Variants in IL10 observed in about 807,000 individuals in gnomAD.
IL10 encodes the protein interleukin-10.
IL10 carries 7 observed loss-of-function variants against 21.0 expected under a neutral mutation model. The ratio of observed to expected loss-of-function variants is 0.33; its 90% confidence interval spans 0.19 to 0.63. The LOEUF (loss-of-function observed/expected upper bound fraction) is 0.63. IL10 is among the 20% of genes least tolerant of loss of function. The probability of loss-of-function intolerance (pLI) is 0.77; values close to 1 mark genes in which losing one functional copy is unlikely to be tolerated. For synonymous variants in IL10, 83 were observed against 79.7 expected (o/e 1.04, Z -0.22); for missense variants, 161 against 213.0 (o/e 0.76, Z 1.52).
chr1:206,770,881 A>AG (rs767321028), intron 3 of IL10, 26 bp downstream of exon 3: 1 of 1,612,706 alleles, frequency 6.2e-7, no homozygotes, highest in South Asian at 1.1e-5. Flanking sequence ...GGCAGCTGCA[A>AG]GGGAAAAAAC....
At chr1:206,771,701 C>T (rs3024491) in intron 1 of IL10, among the ~76,000 whole-genome samples, 5 of 152,024 alleles carry the variant, frequency 3.3e-5, no homozygotes, top group Non-Finnish European at 5.9e-5. Context: ...GAGCTACATT[C>T]GGCTTTAAGG....
At chr1:206,771,505 T>G in intron 1 of IL10, 90 bp from the exon 2 acceptor site, 1 of 1,144,388 alleles carries the variant, frequency 8.7e-7, no homozygotes, top group Non-Finnish European at 1.3e-6. Flanking sequence ...TAGAGATTTT[T>G]TTTTTTAAAT....
intron 2 of IL10, 88 bp downstream of exon 2, chr1:206,771,268 C>G (rs1171984339): frequency 1.5e-6 from 2 of 1,325,124 alleles, no homozygotes; most frequent in African/African-American, 1.4e-5. Flanking sequence ...GCGAAGGAAA[C>G]AAACCCAATT....
chr1:206,770,808 G>A, intron 3 of IL10, 99 bp downstream of exon 3: 2 of 1,153,094 alleles, frequency 1.7e-6, no homozygotes. Context: ...CTGCCAGTCT[G>A]TGTCTTTGCT....
At chr1:206,771,495 T>G (rs1674839361) in intron 1 of IL10, 80 bp from the exon 2 acceptor site, 1 of 1,218,536 alleles carries the variant, frequency 8.2e-7, no homozygotes, top group African/African-American at 1.5e-5. Flanking sequence ...CCCTTTCATT[T>G]AGAGATTTTT....
In IL10 at chr1:206,771,246, C is replaced by T. The variant is rs1375722234; in HGVS notation, c.225+110G>A. ...GTGCTGAGTTAACATCTTCCCACTT[C>T]TCCTTTTCAAAGCGAAGGAAACAAA... On this transcript the variant is annotated intron_variant, in intron 2 of 4. Coordinates refer to ENST00000423557, the MANE Select transcript of IL10 (RefSeq NM_000572.3). The T allele has an allele frequency of 3.3e-6, 4 of 1,199,378 alleles. No homozygotes were observed. The East Asian group carries it at 7.0e-5, about 21-fold the overall frequency. The allele number at this position is 1,199,378 out of a possible 1,614,324, so 74.3% of individuals were successfully genotyped here.
chr1:206,769,443 A>G (rs1006284839), intron 4 of IL10, among the ~76,000 whole-genome samples: 1 of 152,186 alleles, frequency 6.6e-6, no homozygotes, highest in South Asian at 2.1e-4. Flanking sequence ...GTGTATTTGT[A>G]TGTGCACATT....
chr1:206,768,796 A>C, intron 4 of IL10, 68 bp from the exon 5 acceptor site: 2 of 896,174 alleles, frequency 2.2e-6, no homozygotes, highest in Non-Finnish European at 3.7e-6. Context: ...CCCCTCCCTC[A>C]TGCTCATGGA....
Position 206,769,891 on chromosome 1 carries a change from G to A in IL10, c.382C>T (p.Arg128Ter), listed in dbSNP as rs766492258. The A allele has an allele frequency of 1.2e-6, 2 of 1,613,410 alleles. No homozygotes were observed. The highest frequency in any genetic ancestry group is 1.7e-6 in the Non-Finnish European group (2 of 1,179,364). ...CTCTTGTTTTCACAGGGAAGAAATC[G>A]ATGCTGTGGAAGAAAAGAGAAAGTG... ...TLRLRLRRCH[R>*]FLPCENKSKA... Residue 128 changes from arginine (R) to a stop codon, truncating the protein, a stop_gained, in exon 4 of 5, where the codon CGA becomes TGA. Transcript: ENST00000423557. LOFTEE classifies it high-confidence loss of function.
At chr1:206,771,125 AC>A in intron 2 of IL10, 66 bp from the exon 3 acceptor site, 1 of 1,549,060 alleles carries the variant, frequency 6.5e-7, no homozygotes, top group South Asian at 1.1e-5. Context: ...GGCTGCTGCA[AC>A]TAGCTTAAGA....
Position 206,772,292 on chromosome 1 carries a change from G to A in IL10, c.144C>T (p.Phe48=), listed in dbSNP as rs745923816. 6.2e-7 allele frequency: 1 copy of A among 1,614,050 alleles called. No homozygotes were observed. Among genetic ancestry groups the A allele is most frequent in the African/African-American group, 1.3e-5 (1 of 74,938 alleles). ...PNMLRDLRDA[F]SRVKTFFQMK... ...TCACAAAGAAAGTCTTCACTCTGCT[G>A]AAGGCATCTCGGAGATCTCGAAGCA... The change falls in exon 1 of 5, where the codon TTC becomes TTT. Residue 48 remains phenylalanine (F), a synonymous_variant. Transcript: ENST00000423557.
At position 206,770,901 on chromosome 1, in the gene IL10, A is replaced by G. The variant is rs1234119769; in HGVS notation, c.378+6T>C. ...CTGCAAGGGAAAAAACTGATCTGCT[A>G]CTTACACAGCGCCGTAGCCTCAGCC... On this transcript the variant is annotated splice_donor_region_variant and intron_variant, in intron 3 of 4. Coordinates refer to ENST00000423557, the MANE Select transcript of IL10 (RefSeq NM_000572.3). 1.2e-5 allele frequency: 20 copies of G among 1,613,850 alleles called. No individual in the cohort carries two copies. The Middle Eastern group carries it at 4.9e-4, about 40-fold the overall frequency.
intron 1 of IL10, 103 bp downstream of exon 1, chr1:206,772,168 G>A: frequency 1.0e-6 from 1 of 975,644 alleles, no homozygotes; most frequent in East Asian, 2.5e-5. Flanking sequence ...AGGTGTTGGG[G>A]ATGGAGGTGG....
intron 1 of IL10, 48 bp downstream of exon 1, chr1:206,772,223 T>C: frequency 6.4e-7 from 1 of 1,557,006 alleles, no homozygotes; most frequent in Non-Finnish European, 8.9e-7. Flanking sequence ...AATGTCTAGT[T>C]CAGGCAGTCC....
chr1:206,770,809 T>C, intron 3 of IL10, 98 bp downstream of exon 3: 1 of 1,159,554 alleles, frequency 8.6e-7, no homozygotes, highest in Admixed American at 1.7e-5. Context: ...TGCCAGTCTG[T>C]GTCTTTGCTG....
intron 2 of IL10, 136 bp from the exon 3 acceptor site, chr1:206,771,195 C>T: frequency 8.5e-7 from 1 of 1,180,144 alleles, no homozygotes; most frequent in Non-Finnish European, 1.3e-6. Flanking sequence ...GGACTGAGCC[C>T]TTTGTAAACC....
intron 4 of IL10, among the ~76,000 whole-genome samples, chr1:206,769,135 G>A (rs907013990): frequency 1.3e-5 from 2 of 152,168 alleles, no homozygotes; most frequent in African/African-American, 4.8e-5. Context: ...AGCAGGCCCT[G>A]CCCTGCCGCC....
At chr1:206,769,783 C>T in intron 4 of IL10, 46 bp downstream of exon 4, 1 of 1,451,290 alleles carries the variant, frequency 6.9e-7, no homozygotes, top group Non-Finnish European at 9.7e-7. Flanking sequence ...GGGGAGTGGG[C>T]ATGGGTTGTG....
chr1:206,771,011 C>T lies in IL10; in HGVS notation c.274G>A (p.Glu92Lys), dbSNP rs780612967. ...TTCTCAGCTTGGGGCATCACCTCCT[C>T]CAGGTAAAACTGGATCATCTCAGAC... ...ALSEMIQFYL[E>K]EVMPQAENQD... is the part of the protein sequence containing the mutation. The change falls in exon 3 of 5, where the codon GAG becomes AAG. Residue 92 changes from glutamate (E) to lysine (K), a missense_variant. Transcript: ENST00000423557. 2 of 1,614,144 alleles carry T rather than the reference C, an allele frequency of 1.2e-6. No individual in the cohort carries two copies. The highest frequency in any genetic ancestry group is 2.2e-5 in the South Asian group (2 of 91,076).
Sources: gnomAD v4.1 joint callset for allele counts (sites outside exome capture counted in the v4.1 genomes callset) on GRCh38, gnomAD v4.1.1 for gene constraint, MANE v1.5 for transcripts, NCBI Gene and HGNC (gene_info 2026-07-23, HGNC 2026-07-21) for gene names.